Variants in FOXO3B observed in about 807,000 individuals in gnomAD.
The protein encoded by FOXO3B is forkhead box protein O3B.
A neutral mutation model predicts 21.9 loss-of-function variants in FOXO3B; 15 were observed. The ratio of observed to expected loss-of-function variants is 0.68; its 90% CI spans 0.46 to 1.05. The LOEUF (loss-of-function observed/expected upper bound fraction) is 1.05. Among genes scored for constraint, FOXO3B ranks in the 50% least tolerant of loss-of-function variants. The pLI is 0.00. For missense variants in FOXO3B, 293 were observed against 435.5 expected (o/e 0.67, Z 2.91); for synonymous variants, 135 against 213.6 (o/e 0.63, Z 3.21).
chr17:18,677,434 C>T (rs2032510488), intron 3 of FOXO3B: 3 of 1,614,142 alleles, frequency 1.9e-6, no homozygotes, highest in Non-Finnish European at 2.5e-6. Context: ...GTACTGCTGA[C>T]CATCAAGTGC....
rs539288605 is a variant in FOXO3B at position 18,679,497 on chromosome 17, G to A, written c.126+1244C>T. ...GACAGTTTCACTCTCACCCAGGCTG[G>A]AGTGCAGTAGCCCTATCTGGGCTCA... On this transcript the variant is annotated intron_variant, in intron 3 of 3. Transcript: ENST00000395675. Among the ~76,000 whole-genome samples, 769 of 150,910 alleles carry A rather than the reference G, an allele frequency of 5.1e-3. 5 individuals carry two copies. Among genetic ancestry groups the A allele is most frequent in the Non-Finnish European group, 7.5e-3 (509 of 67,862 alleles).
At chr17:18,680,146 C>A (rs1011671161) in intron 3 of FOXO3B, among the ~76,000 whole-genome samples, 2 of 152,130 alleles carry the variant, frequency 1.3e-5, no homozygotes, top group African/African-American at 4.8e-5. Context: ...GCCAAACATT[C>A]GTAATATTTG....
rs374330843 is a variant in FOXO3B, at chr17:18,676,180, T to A, written c.127-3125A>T. Among the ~76,000 whole-genome samples, 35 of 152,354 alleles carry A rather than the reference T, an allele frequency of 2.3e-4. No individual in the cohort carries two copies. The South Asian group carries it at 7.0e-3, about 31-fold the overall frequency. ...CATGAAATGCTCAAACTTGTATTTA[T>A]CACTCAGAGAAATGAAAATTTTAAA... On this transcript the variant is annotated intron_variant, in intron 3 of 3. Coordinates refer to ENST00000395675, the MANE Select transcript of FOXO3B (RefSeq NM_001368135.1).
chr17:18,677,395 A>G lies in FOXO3B; in HGVS notation c.126+3346T>C, dbSNP rs925888913. On this transcript the variant is annotated intron_variant, in intron 3 of 3. Transcript: ENST00000395675. ...ATGTGCGTCAACGTGCTCAAGAGGGACTGGACGGCTGAGCTGGGCATCCGA... is the reference window on the plus strand; with the variant it reads ...ATGTGCGTCAACGTGCTCAAGAGGGGCTGGACGGCTGAGCTGGGCATCCGA... The G allele has an allele frequency of 1.1e-5, 17 of 1,614,020 alleles. No homozygotes were observed. The Admixed American group carries it at 2.7e-4, about 25-fold the overall frequency.
intron 3 of FOXO3B, among the ~76,000 whole-genome samples, chr17:18,678,011 G>A (rs1215400449): frequency 6.6e-6 from 1 of 150,914 alleles, no homozygotes; most frequent in African/African-American, 2.4e-5. Context: ...AAGACATTAT[G>A]AGGAAAAATG....
chr17:18,673,132 C>T (rs2032412804), intron 3 of FOXO3B, 77 bp from the exon 4 acceptor site: 11 of 1,403,988 alleles, frequency 7.8e-6, no homozygotes, highest in African/African-American at 3.1e-5. Context: ...AGTCCTCGCC[C>T]GCTGCCGCCA....
chr17:18,670,809 A>T lies in FOXO3B; in HGVS notation c.*1500T>A, dbSNP rs1160177158. ...TAAGCTGTAAACGGTATCACTGTCC[A>T]CTTGCTGAGAGCAGATTTGGCAAAG... On this transcript the variant is annotated 3_prime_UTR_variant, in exon 4 of 4. Coordinates refer to ENST00000395675, the MANE Select transcript of FOXO3B (RefSeq NM_001368135.1). 4.7e-6 allele frequency: 6 copies of T among 1,287,768 alleles called. No homozygotes were observed. The highest frequency in any genetic ancestry group is 6.5e-6 in the Non-Finnish European group (6 of 916,996). The allele number at this position is 1,287,768 out of a possible 1,614,324, so 79.8% of individuals were successfully genotyped here.
At position 18,671,693 on chromosome 17, in the gene FOXO3B, A is replaced by G. The variant is rs71239162; in HGVS notation, c.*616T>C. 24,490 of 1,609,120 alleles carry G rather than the reference A, an allele frequency of 0.015. 3,072 individuals carry two copies. The African/African-American group carries it at 0.27, about 18-fold the overall frequency. Reference sequence around the variant, plus strand: ...CCTTGGTGGTATACGGGAAGCTAGAACTCCGCTGCATGAGTCCCCCAGTGG... The same window carrying G: ...CCTTGGTGGTATACGGGAAGCTAGAGCTCCGCTGCATGAGTCCCCCAGTGG... On this transcript the variant is annotated 3_prime_UTR_variant, in exon 4 of 4. Coordinates refer to ENST00000395675, the MANE Select transcript of FOXO3B (RefSeq NM_001368135.1).
At chr17:18,678,728 C>T (rs1262813402) in intron 3 of FOXO3B, among the ~76,000 whole-genome samples, 3 of 151,164 alleles carry the variant, frequency 2.0e-5, no homozygotes, top group East Asian at 3.9e-4. Flanking sequence ...TATATATTCA[C>T]GCTTCTGGTA....
rs1001654905 is a variant in FOXO3B at position 18,672,247 on chromosome 17, C to A, written c.*62G>T. ...GATCCACCAAGAGCTCTTGCCAGTTCCCTCATTCTGGACCCGCATGAATCG... is the reference window on the plus strand; with the variant it reads ...GATCCACCAAGAGCTCTTGCCAGTTACCTCATTCTGGACCCGCATGAATCG... On this transcript the variant is annotated 3_prime_UTR_variant, in exon 4 of 4. Coordinates refer to ENST00000395675, the MANE Select transcript of FOXO3B (RefSeq NM_001368135.1). This position sits in a 1 kb window ranked among gnomAD's most constrained non-coding sequence, Gnocchi z 4.2. 7 of 1,612,568 alleles carry A rather than the reference C, an allele frequency of 4.3e-6. No homozygotes were observed. The African/African-American group carries it at 9.3e-5, about 22-fold the overall frequency.
rs200633311 is a variant in FOXO3B at position 18,671,896 on chromosome 17, G to A, written c.*413C>T. ...CGCTGAGCTGCTGTAGAGCATGGGC[G>A]AGAGAGGCGCATCGTCGTCCTGGAC... On this transcript the variant is annotated 3_prime_UTR_variant, in exon 4 of 4. Coordinates refer to ENST00000395675, the MANE Select transcript of FOXO3B (RefSeq NM_001368135.1). 3.5e-5 allele frequency: 57 copies of A among 1,613,484 alleles called. No individual in the cohort carries two copies. The East Asian group carries it at 8.5e-4, about 24-fold the overall frequency.
Position 18,676,500 on chromosome 17 carries a change from C to A in FOXO3B, c.127-3445G>T, listed in dbSNP as rs532611024. Reference sequence around the variant, plus strand: ...CATATATATTAACATAGATTAATATCAAAATACAATGTGAACTTTAAAAAA... The same window carrying A: ...CATATATATTAACATAGATTAATATAAAAATACAATGTGAACTTTAAAAAA... On this transcript the variant is annotated intron_variant, in intron 3 of 3. Coordinates refer to ENST00000395675, the MANE Select transcript of FOXO3B (RefSeq NM_001368135.1). 4.6e-5 allele frequency among the ~76,000 whole-genome samples: 7 copies of A among 152,148 alleles called. No individual in the cohort carries two copies. The East Asian group carries it at 1.4e-3, about 29-fold the overall frequency.
At chr17:18,679,692 C>T (rs576019530) in intron 3 of FOXO3B, among the ~76,000 whole-genome samples, 1 of 152,038 alleles carries the variant, frequency 6.6e-6, no homozygotes, top group African/African-American at 2.4e-5. Flanking sequence ...AGGTGATCTG[C>T]CCGCCTTAGC....
intron 3 of FOXO3B, among the ~76,000 whole-genome samples, chr17:18,678,337 G>A (rs1280219834): frequency 1.3e-5 from 2 of 152,122 alleles, no homozygotes; most frequent in Non-Finnish European, 2.9e-5. Flanking sequence ...GTACTGGTGG[G>A]TAGATGGAAG....
At chr17:18,674,639 A>AAGG (rs61684359) in intron 3 of FOXO3B, among the ~76,000 whole-genome samples, 6 of 121,408 alleles carry the variant, frequency 4.9e-5, no homozygotes, top group African/African-American at 1.8e-4. Flanking sequence ...AAAAAAAAAA[A>AAGG]GGGGGGGGGG....
At chr17:18,679,452 C>CTTTT (rs546420565) in intron 3 of FOXO3B, among the ~76,000 whole-genome samples, 2 of 127,376 alleles carry the variant, frequency 1.6e-5, no homozygotes, top group Non-Finnish European at 3.3e-5. Context: ...TCCTCCTCAA[C>CTTTT]TTTTTTTTTT....
In FOXO3B at chr17:18,670,040, T is replaced by C. The variant is rs964245163; in HGVS notation, c.*2269A>G. On this transcript the variant is annotated 3_prime_UTR_variant, in exon 4 of 4. Transcript: ENST00000395675. ...TTTCCTGAAAATATCATTATTCTAG[T>C]TTCTAACCAGCAGACCAACACTGTT... is the stretch of plus-strand genomic sequence containing the variant. Among the ~76,000 whole-genome samples the C allele has an allele frequency of 2.0e-5, 3 of 151,558 alleles. No individual in the cohort carries two copies. The highest frequency in any genetic ancestry group is 4.4e-5 in the Non-Finnish European group (3 of 67,998).
chr17:18,677,929 A>G (rs985993819), intron 3 of FOXO3B, among the ~76,000 whole-genome samples: 66 of 150,094 alleles, frequency 4.4e-4, no homozygotes, highest in South Asian at 1.3e-3. Flanking sequence ...AAAAAAAAAA[A>G]AAAGAAAGAA....
chr17:18,669,175 C>A lies in FOXO3B; in HGVS notation c.*3134G>T, dbSNP rs1218356812. The stretch of plus-strand genomic sequence containing the variant: ...AGCTGTGATCACCACCAATATCACC[C>A]CCAGAGGAGTTATAAAGCCAAGGCG... On this transcript the variant is annotated 3_prime_UTR_variant, in exon 4 of 4. Coordinates refer to ENST00000395675, the MANE Select transcript of FOXO3B (RefSeq NM_001368135.1). The A allele has an allele frequency of 7.2e-6, 1 of 138,624 alleles. No individual in the cohort carries two copies. The highest frequency in any genetic ancestry group is 2.8e-5 in the African/African-American group (1 of 35,356). 8.6% of individuals were successfully genotyped at this position (138,624 alleles called of 1,614,324 possible).
Sources: allele counts gnomAD v4.1 joint callset (sites outside exome capture counted in the v4.1 genomes callset), GRCh38; gene constraint gnomAD v4.1.1; non-coding constraint Gnocchi (gnomAD v3.1); transcripts MANE v1.5; gene names NCBI Gene and HGNC (gene_info 2026-07-23, HGNC 2026-07-21).